The following RGS3 variants were observed in gnomAD, a reference collection of about 807,000 sequenced individuals.
RGS3 encodes regulator of G-protein signalling 3.
RGS3 carries 80 observed loss-of-function variants against 132.6 expected under a neutral mutation model. The ratio of observed to expected loss-of-function variants is 0.60; its 90% CI spans 0.50 to 0.73. The LOEUF (loss-of-function observed/expected upper bound fraction) is 0.73, where lower values mean the gene tolerates loss of function less well. Among genes scored for constraint, RGS3 ranks in the 30% least tolerant of loss-of-function variants. The probability of loss-of-function intolerance (pLI) is 0.00; values close to 1 mark genes in which losing one functional copy is unlikely to be tolerated. For synonymous variants in RGS3, 598 were observed against 620.6 expected, an observed-to-expected ratio of 0.96 and a Z score of 0.54; for missense variants, 1,382 against 1,530.8, an observed-to-expected ratio of 0.90 and a Z score of 1.62.
chr9:113,557,750 G>A (rs1414303468), intron 19 of RGS3, among the ~76,000 whole-genome samples: 2 of 152,296 alleles, frequency 1.3e-5, no homozygotes, highest in East Asian at 1.9e-4. Context: ...TAATGAGAGC[G>A]CCTACTGGGA....
At chr9:113,562,407 G>A (rs868385457) in intron 19 of RGS3, among the ~76,000 whole-genome samples, 1 of 150,816 alleles carries the variant, frequency 6.6e-6, no homozygotes, top group Middle Eastern at 3.4e-3. Context: ...AATCCAGGAG[G>A]CAGAGGTTGC....
intron 3 of RGS3, among the ~76,000 whole-genome samples, chr9:113,476,748 C>A (rs987896077): frequency 6.6e-6 from 1 of 152,228 alleles, no homozygotes; most frequent in African/African-American, 2.4e-5. Flanking sequence ...GGCACCTGCC[C>A]AGCCTCGTGC....
At chr9:113,471,566 T>C (rs1426945062) in intron 3 of RGS3, among the ~76,000 whole-genome samples, 3 of 152,008 alleles carry the variant, frequency 2.0e-5, no homozygotes, top group Non-Finnish European at 4.4e-5. Context: ...CTTTTTTGAG[T>C]TGGTTTTTGT....
chr9:113,501,668 T>C (rs757307750), intron 10 of RGS3: 20 of 1,542,572 alleles, frequency 1.3e-5, no homozygotes, highest in Admixed American at 2.0e-5. Context: ...CTGTGGGGTG[T>C]TCAGGGATAG....
intron 19 of RGS3, chr9:113,583,212 C>T: frequency 4.4e-6 from 3 of 677,876 alleles, no homozygotes; most frequent in Non-Finnish European, 7.2e-6. Context: ...TCTCCCTCTT[C>T]TCCTATAAAT....
At chr9:113,557,889 G>T (rs1833634859) in intron 19 of RGS3, among the ~76,000 whole-genome samples, 1 of 152,202 alleles carries the variant, frequency 6.6e-6, no homozygotes, top group Non-Finnish European at 1.5e-5. Flanking sequence ...TGAGGCTGAG[G>T]TGTGTTCAGG....
At chr9:113,572,359 T>C (rs2118896493) in intron 19 of RGS3, among the ~76,000 whole-genome samples, 1 of 151,964 alleles carries the variant, frequency 6.6e-6, no homozygotes, top group South Asian at 2.1e-4. Flanking sequence ...AGCCCTGACA[T>C]CACCCCCAAG....
At chr9:113,497,130 G>A (rs192151949) in intron 8 of RGS3, among the ~76,000 whole-genome samples, 184 bp from the exon 7 acceptor site, 64 of 152,316 alleles carry the variant, frequency 4.2e-4, no homozygotes, top group African/African-American at 1.5e-3. Flanking sequence ...AGCCAGATCT[G>A]CCCTGAGCAT....
At chr9:113,486,788 T>C (rs1347646052) in intron 7 of RGS3, among the ~76,000 whole-genome samples, 1 of 152,246 alleles carries the variant, frequency 6.6e-6, no homozygotes, top group Non-Finnish European at 1.5e-5. Flanking sequence ...CTAATATGTT[T>C]TTTAAAATCG....
chr9:113,563,128 A>G (rs766466271), intron 19 of RGS3, among the ~76,000 whole-genome samples: 3 of 152,208 alleles, frequency 2.0e-5, no homozygotes, highest in Admixed American at 6.5e-5. Context: ...TCACCATGCT[A>G]TGGTCCAGAG....
intron 19 of RGS3, among the ~76,000 whole-genome samples, chr9:113,539,543 C>T (rs1832818047): frequency 6.6e-6 from 1 of 152,186 alleles, no homozygotes; most frequent in Admixed American, 6.5e-5. Flanking sequence ...CTCCTGACCT[C>T]AAGAGTAGCA....
intron 1 of RGS3, among the ~76,000 whole-genome samples, chr9:113,445,709 C>A (rs1348874578): frequency 6.6e-6 from 1 of 151,964 alleles, no homozygotes; most frequent in Admixed American, 6.6e-5. Flanking sequence ...GACAGACTCT[C>A]CCCCTGTTGC....
At chr9:113,559,324 G>A (rs914209746) in intron 19 of RGS3, among the ~76,000 whole-genome samples, 1 of 152,220 alleles carries the variant, frequency 6.6e-6, no homozygotes, top group East Asian at 1.9e-4. Context: ...TGGTTGGACC[G>A]GAGCCAGGAA....
intron 13 of RGS3, among the ~76,000 whole-genome samples, chr9:113,508,115 G>A (rs554643594): frequency 1.3e-5 from 2 of 152,346 alleles, no homozygotes; most frequent in Admixed American, 1.3e-4. Flanking sequence ...TCATCTAGGA[G>A]ATTCTCAATG....
chr9:113,447,329 G>GTATATATGTGTGTATATATATATATATA (rs1305095004), intron 1 of RGS3, among the ~76,000 whole-genome samples: 1 of 27,536 alleles, frequency 3.6e-5, no homozygotes, highest in African/African-American at 9.8e-5. Context: ...GTATGTATAT[G>GTATATATGTGTGTATATATATATATATA]TATATATATA....
chr9:113,558,208 A>G (rs755177926), intron 19 of RGS3, among the ~76,000 whole-genome samples: 10 of 152,202 alleles, frequency 6.6e-5, no homozygotes, highest in Non-Finnish European at 1.3e-4. Flanking sequence ...ATGGTGCTCA[A>G]AAGTCTAGCT....
chr9:113,510,211 C>T (rs1831341874), intron 14 of RGS3, among the ~76,000 whole-genome samples: 3 of 152,202 alleles, frequency 2.0e-5, no homozygotes, highest in Non-Finnish European at 2.9e-5. Context: ...TCCTGAGTTA[C>T]TTCACTTAGA....
At position 113,565,288 on chromosome 9, in the gene RGS3, C is replaced by A; in HGVS notation, c.2038-18162C>A. ...TCTCGGATGAAAGTGCTTTGAGAAA[C>A]CACAGAGTTTTCTGTTTAATGGAAG... On this transcript the variant is annotated intron_variant, in intron 19 of 24. Transcript: ENST00000350696. The surrounding 1 kb of genome is among the most constrained non-coding windows in gnomAD (Gnocchi z 5.7). The A allele has an allele frequency of 7.8e-7, 1 of 1,289,582 alleles. No individual in the cohort carries two copies. The highest frequency in any genetic ancestry group is 1.5e-5 in the African/African-American group (1 of 65,946). The allele number at this position is 1,289,582 out of a possible 1,614,324, so 79.9% of individuals were successfully genotyped here.
intron 19 of RGS3, among the ~76,000 whole-genome samples, chr9:113,569,587 TTCCTTCC>T (rs1564584046): frequency 0.028 from 3,591 of 126,694 alleles, 68 homozygotes; most frequent in Non-Finnish European, 0.03. Flanking sequence ...CTTTCCTTCC[TTCCTTCC>T]TTCCTTCCTT....
Sources: allele counts gnomAD v4.1 joint callset (sites outside exome capture counted in the v4.1 genomes callset), GRCh38; gene constraint gnomAD v4.1.1; non-coding constraint Gnocchi (gnomAD v3.1); transcripts MANE v1.5; gene names NCBI Gene and HGNC (gene_info 2026-07-23, HGNC 2026-07-21).